The following PRICKLE1 variants were observed in gnomAD, a reference collection of about 807,000 sequenced individuals.
PRICKLE1 encodes prickle planar cell polarity protein 1.
In PRICKLE1, 14 loss-of-function variants were observed where a neutral mutation model predicts 70.2. The ratio of observed to expected loss-of-function variants is 0.20; its 90% CI spans 0.13 to 0.31. The LOEUF is 0.31. PRICKLE1 is among the 10% of genes least tolerant of loss of function. The pLI, the probability that PRICKLE1 is intolerant of heterozygous loss-of-function variation, is 1.00. For synonymous variants in PRICKLE1, 357 were observed against 379.9 expected, an observed-to-expected ratio of 0.94 and a Z score of 0.70; for missense variants, 821 against 1,026.2, an observed-to-expected ratio of 0.80 and a Z score of 2.73.
intron 1 of PRICKLE1, among the ~76,000 whole-genome samples, chr12:42,500,344 A>G (rs1275578401): frequency 6.6e-6 from 1 of 152,212 alleles, no homozygotes; most frequent in African/African-American, 2.4e-5. Context: ...CCTGTATTTG[A>G]AGATCTTTAT....
intron 1 of PRICKLE1, among the ~76,000 whole-genome samples, chr12:42,477,878 T>A (rs1034007667): frequency 6.6e-6 from 1 of 151,540 alleles, no homozygotes; most frequent in Non-Finnish European, 1.5e-5. Context: ...TATGACAGAG[T>A]AAAACTTTTT....
chr12:42,521,606 C>G (rs2600928), intron 1 of PRICKLE1, among the ~76,000 whole-genome samples: 139,581 of 152,106 alleles, frequency 0.92, 64,142 homozygotes, highest in East Asian at 1. Context: ...AGGCTGAGGT[C>G]GGGGGGATCG....
In PRICKLE1 at chr12:42,465,141, C is replaced by A; in HGVS notation, c.893G>T (p.Gly298Val). The change falls in exon 7 of 8, where the codon GGT becomes GTT. Residue 298 changes from glycine to valine, a missense_variant. Gly to Val is a moderately radical substitution (Grantham distance 109). Coordinates refer to ENST00000345127, the MANE Select transcript of PRICKLE1 (RefSeq NM_153026.3). ...GCACGTTTTTGAGCAGTAAATCTGA[C>A]CCTGTTTGGGAAGGAAGGGACATCC... ...LLGCPFLPKQ[G>V]QIYCSKTCSL... is the part of the protein sequence containing the mutation. 1 of 1,583,610 alleles carries A rather than the reference C, an allele frequency of 6.3e-7. No individual in the cohort carries two copies. The highest frequency in any genetic ancestry group is 1.2e-5 in the South Asian group (1 of 84,592).
chr12:42,516,300 T>A (rs1295557203), intron 1 of PRICKLE1, among the ~76,000 whole-genome samples: 2 of 151,940 alleles, frequency 1.3e-5, no homozygotes, highest in African/African-American at 4.8e-5. Context: ...CCTGGCTAAG[T>A]TTTTGTATTT....
intron 4 of PRICKLE1, among the ~76,000 whole-genome samples, chr12:42,469,064 A>G (rs1938216377): frequency 6.6e-6 from 1 of 152,170 alleles, no homozygotes; most frequent in Non-Finnish European, 1.5e-5. Context: ...TCACACAAAT[A>G]GTGGTTTTCC....
At chr12:42,542,988 G>C (rs1233657612) in intron 1 of PRICKLE1, among the ~76,000 whole-genome samples, 1 of 152,130 alleles carries the variant, frequency 6.6e-6, no homozygotes, top group Non-Finnish European at 1.5e-5. Context: ...TGTCCTTATG[G>C]GAGAGGCCTC....
chr12:42,477,482 G>GTGTGTATATATA (rs1350601331), intron 1 of PRICKLE1, among the ~76,000 whole-genome samples: 1 of 116,394 alleles, frequency 8.6e-6, no homozygotes, highest in African/African-American at 3.1e-5. Context: ...GTGTGTGTGT[G>GTGTGTATATATA]TATATATATA....
intron 1 of PRICKLE1, among the ~76,000 whole-genome samples, chr12:42,571,560 T>C (rs1021988377): frequency 1.3e-5 from 2 of 152,200 alleles, no homozygotes; most frequent in African/African-American, 4.8e-5. Flanking sequence ...TCCCAGGCCT[T>C]GGGCTTGGAA....
chr12:42,470,809 G>C (rs1383213698), intron 2 of PRICKLE1, among the ~76,000 whole-genome samples: 1 of 152,006 alleles, frequency 6.6e-6, no homozygotes. Flanking sequence ...GGGAGGCTGA[G>C]GCAGGAGAAT....
intron 1 of PRICKLE1, among the ~76,000 whole-genome samples, chr12:42,538,590 T>C (rs942474349): frequency 6.6e-6 from 1 of 152,204 alleles, no homozygotes; most frequent in Non-Finnish European, 1.5e-5. Flanking sequence ...AGTATCAAGA[T>C]TCTAGCTCAT....
At chr12:42,462,246 G>A (rs2140093850) in intron 7 of PRICKLE1, among the ~76,000 whole-genome samples, 1 of 151,878 alleles carries the variant, frequency 6.6e-6, no homozygotes, top group African/African-American at 2.4e-5. Flanking sequence ...TGTCACTCAG[G>A]CTGGAGTGCA....
intron 1 of PRICKLE1, among the ~76,000 whole-genome samples, chr12:42,543,667 T>G (rs1322646229): frequency 6.6e-6 from 1 of 152,044 alleles, no homozygotes; most frequent in African/African-American, 2.4e-5. Flanking sequence ...GGACTACAGG[T>G]ACCCACCCCC....
At chr12:42,485,460 A>G (rs1429610067) in intron 1 of PRICKLE1, 1 of 152,050 alleles carries the variant, frequency 6.6e-6, no homozygotes, top group African/African-American at 2.4e-5. Flanking sequence ...TAGTTTAGGG[A>G]TTTGTGGGAA....
At chr12:42,476,354 A>G (rs1374705860) in intron 1 of PRICKLE1, among the ~76,000 whole-genome samples, 1 of 151,380 alleles carries the variant, frequency 6.6e-6, no homozygotes, top group Non-Finnish European at 1.5e-5. Flanking sequence ...AGCTAATTTC[A>G]TATTTTTAGT....
At position 42,464,747 on chromosome 12, in the gene PRICKLE1, C is replaced by T; in HGVS notation, c.1287G>A (p.Gln429=). The T allele has an allele frequency of 8.7e-6, 14 of 1,614,068 alleles. No individual in the cohort carries two copies. Among genetic ancestry groups the T allele is most frequent in the Non-Finnish European group, 1.2e-5 (14 of 1,180,004 alleles). The change falls in exon 7 of 8, where the codon CAG becomes CAA. Residue 429 remains glutamine, a synonymous_variant. Transcript: ENST00000345127. This position sits in a 1 kb window ranked among gnomAD's most constrained non-coding sequence, Gnocchi z 4.2. ...LLKFGDKSLF[Q]PQPNEMDIRA... ...GAATATCCATCTCATTGGGCTGTGG[C>T]TGAAAGAGGCTTTTATCACCAAACT...
chr12:42,586,590 G>A (rs1940990621), intron 1 of PRICKLE1, among the ~76,000 whole-genome samples: 1 of 152,114 alleles, frequency 6.6e-6, no homozygotes, highest in African/African-American at 2.4e-5. Context: ...GCAGTAAGTA[G>A]AATATAAGTA....
intron 7 of PRICKLE1, among the ~76,000 whole-genome samples, chr12:42,463,006 C>T (rs543326721): frequency 6.6e-6 from 1 of 152,310 alleles, no homozygotes; most frequent in Non-Finnish European, 1.5e-5. Flanking sequence ...ATGTGGATAA[C>T]TGGTATGACT....
At chr12:42,528,875 A>G (rs1939859717) in intron 1 of PRICKLE1, among the ~76,000 whole-genome samples, 1 of 152,230 alleles carries the variant, frequency 6.6e-6, no homozygotes, top group African/African-American at 2.4e-5. Flanking sequence ...AACAGACTAC[A>G]CAGCTTCTCT....
Position 42,459,631 on chromosome 12 carries a change from T to C in PRICKLE1, c.*178A>G, listed in dbSNP as rs1476035237. On this transcript the variant is annotated 3_prime_UTR_variant, in exon 8 of 8. Coordinates refer to ENST00000345127, the MANE Select transcript of PRICKLE1 (RefSeq NM_153026.3). Reference sequence around the variant, plus strand: ...CCTGGCACCATCCAAAGAGGGTAAATTGGAGAAATCACACCTTTCAAATGT... The same window carrying C: ...CCTGGCACCATCCAAAGAGGGTAAACTGGAGAAATCACACCTTTCAAATGT... 4 of 784,208 alleles carry C rather than the reference T, an allele frequency of 5.1e-6. No homozygotes were observed. The highest frequency in any genetic ancestry group is 8.4e-6 in the Non-Finnish European group (4 of 475,872). 48.6% of individuals were successfully genotyped at this position (784,208 alleles called of 1,614,324 possible). A position where few individuals can be genotyped will look rare whatever the true frequency, so the allele number is the denominator to read the frequency against.
Sources: allele counts gnomAD v4.1 joint callset (sites outside exome capture counted in the v4.1 genomes callset), GRCh38; gene constraint gnomAD v4.1.1; non-coding constraint Gnocchi (gnomAD v3.1); transcripts MANE v1.5; gene names NCBI Gene and HGNC (gene_info 2026-07-23, HGNC 2026-07-21).